The following SKAP1 variants were observed in gnomAD, a reference collection of about 807,000 sequenced individuals.
SKAP1 encodes src kinase-associated phosphoprotein 1.
Under a neutral mutation model 58.5 loss-of-function variants are expected in SKAP1, and 44 were observed. The ratio of observed to expected loss-of-function variants is 0.75; its 90% CI spans 0.59 to 0.97. The LOEUF is 0.97. SKAP1 is among the 50% of genes least tolerant of loss of function. The pLI, the probability that SKAP1 is intolerant of heterozygous loss-of-function variation, is 0.00. For missense variants in SKAP1, 390 were observed against 435.2 expected (o/e 0.90, Z 0.92); for synonymous variants, 127 against 149.7 (o/e 0.85, Z 1.11).
chr17:48,223,734 C>A (rs555696009), intron 4 of SKAP1, among the ~76,000 whole-genome samples: 3 of 151,826 alleles, frequency 2.0e-5, no homozygotes, highest in African/African-American at 7.3e-5. Flanking sequence ...TCATAGTGAC[C>A]GATGGTTAAC....
At chr17:48,382,413 AGAG>A (rs2067227536) in intron 2 of SKAP1, 1 of 152,242 alleles carries the variant, frequency 6.6e-6, no homozygotes, top group African/African-American at 2.4e-5. Flanking sequence ...TCCCAGAGGA[AGAG>A]AAGAATGATT....
intron 4 of SKAP1, among the ~76,000 whole-genome samples, chr17:48,270,636 T>C (rs2938476): frequency 0.79 from 120,225 of 151,978 alleles, 47,695 homozygotes; most frequent in East Asian, 0.95. Flanking sequence ...CCACTGCGCC[T>C]GGCCCTATTT....
intron 4 of SKAP1, among the ~76,000 whole-genome samples, chr17:48,310,964 G>A (rs1365458220): frequency 6.6e-6 from 1 of 152,194 alleles, no homozygotes; most frequent in Non-Finnish European, 1.5e-5. Context: ...CCCACTGAAA[G>A]ACGGATGGTA....
chr17:48,281,304 G>A (rs1395757080), intron 4 of SKAP1, among the ~76,000 whole-genome samples: 1 of 152,044 alleles, frequency 6.6e-6, no homozygotes, highest in African/African-American at 2.4e-5. Flanking sequence ...AATTACAGGC[G>A]TGAGTCACTG....
chr17:48,367,561 C>CATATATATAT (rs143641420), intron 2 of SKAP1, among the ~76,000 whole-genome samples: 17 of 142,180 alleles, frequency 1.2e-4, no homozygotes, highest in African/African-American at 4.4e-4. Context: ...GATATATATC[C>CATATATATAT]ATATATATAT....
At chr17:48,441,042 G>A in the SKAP1 span, among the ~76,000 whole-genome samples, 4 of 152,132 alleles carry the variant, frequency 2.6e-5, no homozygotes, top group African/African-American at 7.2e-5. Context: ...ATGAGATGCT[G>A]GCCGACTTCA....
At chr17:48,318,183 A>C (rs990143495) in intron 4 of SKAP1, among the ~76,000 whole-genome samples, 1 of 152,188 alleles carries the variant, frequency 6.6e-6, no homozygotes, top group Non-Finnish European at 1.5e-5. Flanking sequence ...GAAACAGACC[A>C]CTGGTCCATC....
chr17:48,373,386 TG>T (rs2067111282), intron 2 of SKAP1, among the ~76,000 whole-genome samples: 1 of 152,118 alleles, frequency 6.6e-6, no homozygotes, highest in Non-Finnish European at 1.5e-5. Flanking sequence ...CCTTGACATG[TG>T]GGGTTTATAA....
At chr17:48,256,310 G>T (rs189439288) in intron 4 of SKAP1, among the ~76,000 whole-genome samples, 1 of 151,962 alleles carries the variant, frequency 6.6e-6, no homozygotes, top group Non-Finnish European at 1.5e-5. Flanking sequence ...ATTACATACA[G>T]ACTGAATGAT....
At chr17:48,292,621 C>T (rs1185893989) in intron 4 of SKAP1, among the ~76,000 whole-genome samples, 1 of 152,130 alleles carries the variant, frequency 6.6e-6, no homozygotes, top group African/African-American at 2.4e-5. Context: ...CAGAACACCT[C>T]TCATATTTGG....
At chr17:48,378,175 A>G (rs1279778857) in intron 2 of SKAP1, among the ~76,000 whole-genome samples, 2 of 152,138 alleles carry the variant, frequency 1.3e-5, no homozygotes, top group Non-Finnish European at 2.9e-5. Flanking sequence ...ATGTAACCAC[A>G]TCGCAAACGG....
At chr17:48,196,319 C>T (rs2064628786) in intron 4 of SKAP1, among the ~76,000 whole-genome samples, 1 of 152,162 alleles carries the variant, frequency 6.6e-6, no homozygotes, top group South Asian at 2.1e-4. Flanking sequence ...TATTCTAACT[C>T]CTGGTGTCAA....
chr17:48,220,815 T>G (rs1361316637), intron 4 of SKAP1, among the ~76,000 whole-genome samples: 1 of 120,886 alleles, frequency 8.3e-6, no homozygotes, highest in Non-Finnish European at 1.6e-5. Context: ...ATTGCGCCAC[T>G]GCACTCCAGC....
intron 9 of SKAP1, among the ~76,000 whole-genome samples, chr17:48,178,022 C>A (rs2064315127): frequency 6.6e-6 from 1 of 152,094 alleles, no homozygotes; most frequent in Non-Finnish European, 1.5e-5. Context: ...GGGGCCACTC[C>A]AACATACCAG....
chr17:48,274,406 A>AT (rs896373615), intron 4 of SKAP1, among the ~76,000 whole-genome samples: 11 of 150,686 alleles, frequency 7.3e-5, no homozygotes, highest in Non-Finnish European at 1.0e-4. Flanking sequence ...AAAAAAAAAA[A>AT]TTTTTTTTGG....
the SKAP1 span, among the ~76,000 whole-genome samples, chr17:48,444,721 C>G: frequency 2.0e-5 from 3 of 152,204 alleles, no homozygotes; most frequent in African/African-American, 7.2e-5. Context: ...ATGCAGTCCT[C>G]TATCGGTAGG....
chr17:48,369,146 AAAATAAAT>A (rs59376097), intron 2 of SKAP1, among the ~76,000 whole-genome samples: 49,222 of 146,546 alleles, frequency 0.34, 8,853 homozygotes, highest in African/African-American at 0.48. Flanking sequence ...ACTCCATCTC[AAAATAAAT>A]AAATAAATAA....
chr17:48,254,851 A>C (rs982993969), intron 4 of SKAP1, among the ~76,000 whole-genome samples: 4 of 152,058 alleles, frequency 2.6e-5, no homozygotes, highest in African/African-American at 9.7e-5. Context: ...ATACAAGCAA[A>C]TACAATTCTA....
chr17:48,169,532 C>T (rs3805366), intron 10 of SKAP1, among the ~76,000 whole-genome samples: 6,581 of 152,304 alleles, frequency 0.043, 158 homozygotes, highest in East Asian at 0.054. Context: ...CACTCACATC[C>T]GTGCATCACA....
Sources: allele counts gnomAD v4.1 joint callset (sites outside exome capture counted in the v4.1 genomes callset), GRCh38; gene constraint gnomAD v4.1.1; transcripts MANE v1.5; gene names NCBI Gene and HGNC (gene_info 2026-07-23, HGNC 2026-07-21).